TMEM229B: variants seen among roughly 807,000 people sequenced by gnomAD.
TMEM229B encodes chromosome 14 open reading frame 83.
TMEM229B carries 6 observed loss-of-function variants against 13.7 expected under a neutral mutation model. That is an observed-to-expected ratio of 0.44 (90% CI 0.24 to 0.86). The LOEUF (loss-of-function observed/expected upper bound fraction) is 0.86. TMEM229B is among the 40% of genes least tolerant of loss of function. The pLI is 0.23. For synonymous variants in TMEM229B, 107 were observed against 102.1 expected (o/e 1.05, Z -0.29); for missense variants, 170 against 236.0 (o/e 0.72, Z 1.83).
intron 1 of TMEM229B, among the ~76,000 whole-genome samples, chr14:67,498,584 GC>G (rs1377147119): frequency 1.8e-4 from 28 of 152,344 alleles, no homozygotes; most frequent in South Asian, 6.2e-4. Flanking sequence ...AAACTGCAAT[GC>G]CAAGAAAGAC....
chr14:67,477,197 T>C (rs1459767059), intron 2 of TMEM229B, among the ~76,000 whole-genome samples: 1 of 152,080 alleles, frequency 6.6e-6, no homozygotes, highest in Non-Finnish European at 1.5e-5. Flanking sequence ...CGATATCTCC[T>C]TATTTCCTAA....
chr14:67,529,053 T>G (rs1226275634), intron 1 of TMEM229B, among the ~76,000 whole-genome samples: 4 of 152,108 alleles, frequency 2.6e-5, no homozygotes. Context: ...TGCTAGTCCT[T>G]TACACCTCTA....
At position 67,471,921 on chromosome 14, in the gene TMEM229B, G is replaced by A. The variant is rs1316133; in HGVS notation, c.*1499C>T. On this transcript the variant is annotated 3_prime_UTR_variant, in exon 3 of 3. Transcript: ENST00000554480. Reference sequence around the variant, plus strand: ...TCAAGAAGAGACCATGTACCATGGGGTGGGCCACTTTCTAACGGACCCTTC... The same window carrying A: ...TCAAGAAGAGACCATGTACCATGGGATGGGCCACTTTCTAACGGACCCTTC... 58,394 of 152,216 alleles carry A rather than the reference G, an allele frequency of 0.38. 12,031 individuals carry two copies. Among genetic ancestry groups the A allele is most frequent in the African/African-American group, 0.53 (22,209 of 41,520 alleles). 9.4% of individuals were successfully genotyped at this position (152,216 alleles called of 1,614,324 possible).
chr14:67,506,916 A>G (rs10140831), intron 1 of TMEM229B, among the ~76,000 whole-genome samples: 130,872 of 152,004 alleles, frequency 0.86, 57,781 homozygotes, highest in Non-Finnish European at 0.95. Context: ...CACAGGAGGC[A>G]AAGGTTGCAG....
At chr14:67,527,915 G>A (rs2140281784) in intron 1 of TMEM229B, among the ~76,000 whole-genome samples, 1 of 152,332 alleles carries the variant, frequency 6.6e-6, no homozygotes, top group South Asian at 2.1e-4. Context: ...TGGCTTTGAG[G>A]AGGGGAGGTC....
At chr14:67,500,818 G>A (rs558060089) in intron 1 of TMEM229B, among the ~76,000 whole-genome samples, 4 of 151,914 alleles carry the variant, frequency 2.6e-5, no homozygotes, top group African/African-American at 4.8e-5. Flanking sequence ...TGATCCGCCC[G>A]CCTCGGCCTT....
intron 1 of TMEM229B, among the ~76,000 whole-genome samples, chr14:67,523,738 T>A (rs1472089268): frequency 1.3e-5 from 2 of 152,270 alleles, no homozygotes; most frequent in Admixed American, 1.3e-4. Flanking sequence ...TAAAAGATTC[T>A]GCCTTTCTTT....
At chr14:67,509,295 T>C (rs886270655) in intron 1 of TMEM229B, among the ~76,000 whole-genome samples, 1 of 150,718 alleles carries the variant, frequency 6.6e-6, no homozygotes, top group African/African-American at 2.4e-5. Context: ...TCCTTTTAAC[T>C]AGTTGTGTTT....
intron 1 of TMEM229B, among the ~76,000 whole-genome samples, chr14:67,529,958 CT>C (rs930709547): frequency 5.4e-4 from 82 of 152,164 alleles, no homozygotes; most frequent in African/African-American, 1.8e-3. Context: ...TGATTTGAGG[CT>C]TTTTTGGTGA....
chr14:67,502,338 AG>A (rs2032642850), intron 1 of TMEM229B, among the ~76,000 whole-genome samples: 1 of 150,250 alleles, frequency 6.7e-6, no homozygotes, highest in Non-Finnish European at 1.5e-5. Context: ...CTCAAAAAAA[AG>A]AAAAGAAAGA....
chr14:67,525,796 T>C (rs2033357727), intron 1 of TMEM229B, among the ~76,000 whole-genome samples: 1 of 152,208 alleles, frequency 6.6e-6, no homozygotes. Flanking sequence ...AAAAGAACCA[T>C]GATCTTCTCA....
chr14:67,512,436 G>T (rs138020060), intron 1 of TMEM229B, among the ~76,000 whole-genome samples: 2 of 152,182 alleles, frequency 1.3e-5, no homozygotes, highest in Non-Finnish European at 1.5e-5. Context: ...GGGAGCTAAG[G>T]CTTTGCCAGG....
At position 67,473,091 on chromosome 14, in the gene TMEM229B, T is replaced by C. The variant is rs1166124239; in HGVS notation, c.*329A>G. The C allele has an allele frequency of 2.6e-5, 8 of 306,994 alleles. No homozygotes were observed. The highest frequency in any genetic ancestry group is 4.9e-5 in the Non-Finnish European group (8 of 162,130). The allele number at this position is 306,994 out of a possible 1,614,324, so 19.0% of individuals were successfully genotyped here. A position where few individuals can be genotyped will look rare whatever the true frequency, so the allele number is the denominator to read the frequency against. ...CTGCGGCCCCATTCTCATTGTCCCT[T>C]GGCCAGGACAGGGCCTGCTGCTTCC... On this transcript the variant is annotated 3_prime_UTR_variant, in exon 3 of 3. Coordinates refer to ENST00000554480, the MANE Select transcript of TMEM229B (RefSeq NM_001348543.2). The surrounding 1 kb of genome is among the most constrained non-coding windows in gnomAD (Gnocchi z 6.5).
At chr14:67,513,180 T>C (rs1420753966) in intron 1 of TMEM229B, among the ~76,000 whole-genome samples, 2 of 152,174 alleles carry the variant, frequency 1.3e-5, no homozygotes, top group Admixed American at 1.3e-4. Flanking sequence ...GAAAAGCCCA[T>C]CCTCTAACCA....
Position 67,473,209 on chromosome 14 carries a change from C to G in TMEM229B, c.*211G>C. ...GCGATCCATGGACCCTTCCCAATGT[C>G]CCTCTGCTGCCTCCACACCCCATCC... On this transcript the variant is annotated 3_prime_UTR_variant, in exon 3 of 3. Transcript: ENST00000554480. This position sits in a 1 kb window ranked among gnomAD's most constrained non-coding sequence, Gnocchi z 6.5. The G allele has an allele frequency of 1.6e-6, 1 of 636,978 alleles. No individual in the cohort carries two copies. The highest frequency in any genetic ancestry group is 2.9e-5 in the East Asian group (1 of 34,754). 39.5% of individuals were successfully genotyped at this position (636,978 alleles called of 1,614,324 possible).
chr14:67,499,191 A>G (rs2032510180), intron 1 of TMEM229B, among the ~76,000 whole-genome samples: 1 of 151,858 alleles, frequency 6.6e-6, no homozygotes, highest in South Asian at 2.1e-4. Flanking sequence ...TTTTGTAGAT[A>G]TGGGGTCCTG....
chr14:67,501,948 GA>G (rs1474838507), intron 1 of TMEM229B, among the ~76,000 whole-genome samples: 7 of 152,168 alleles, frequency 4.6e-5, no homozygotes, highest in Non-Finnish European at 1.0e-4. Flanking sequence ...TTGAGTGAAA[GA>G]AAATCTTTTG....
chr14:67,483,339 C>G (rs1053160703), intron 2 of TMEM229B, among the ~76,000 whole-genome samples: 1 of 152,138 alleles, frequency 6.6e-6, no homozygotes, highest in Non-Finnish European at 1.5e-5. Context: ...CTATAAAAGG[C>G]AAGGCTGGGA....
intron 1 of TMEM229B, among the ~76,000 whole-genome samples, chr14:67,511,652 C>T (rs1358482442): frequency 6.6e-6 from 1 of 152,152 alleles, no homozygotes; most frequent in African/African-American, 2.4e-5. Flanking sequence ...AGTGGAAGCA[C>T]CAAAATCAGA....
Sources: allele counts gnomAD v4.1 joint callset (sites outside exome capture counted in the v4.1 genomes callset), GRCh38; gene constraint gnomAD v4.1.1; non-coding constraint Gnocchi (gnomAD v3.1); transcripts MANE v1.5; gene names NCBI Gene and HGNC (gene_info 2026-07-23, HGNC 2026-07-21).